The following TLN2 variants were observed in gnomAD, a reference collection of about 807,000 sequenced individuals.
TLN2 encodes the protein talin-2.
Under a neutral mutation model 294.7 loss-of-function variants are expected in TLN2, and 118 were observed. The observed-to-expected ratio is 0.40, with a 90% CI of 0.34 to 0.47. TLN2 has a LOEUF of 0.47. TLN2 is among the 20% of genes least tolerant of loss of function. The pLI is 0.84. For synonymous variants in TLN2, 1,431 were observed against 1,304.5 expected (o/e 1.10, Z -2.09); for missense variants, 3,083 against 3,282.2 (o/e 0.94, Z 1.48).
intron 27 of TLN2, among the ~76,000 whole-genome samples, chr15:62,725,653 T>G (rs1312955253): frequency 6.6e-6 from 1 of 152,178 alleles, no homozygotes; most frequent in East Asian, 1.9e-4. Context: ...CCACCATGTA[T>G]TAAGCACCTG....
At chr15:62,771,263 G>T in intron 42 of TLN2, 129 bp downstream of exon 42, 2 of 1,065,058 alleles carry the variant, frequency 1.9e-6, no homozygotes, top group East Asian at 5.3e-5. Flanking sequence ...CCCACTCTGA[G>T]ATCAGAAATA....
chr15:62,819,437 C>G, intron 52 of TLN2, 79 bp from the exon 53 acceptor site: 1 of 1,204,474 alleles, frequency 8.3e-7, no homozygotes, highest in Non-Finnish European at 1.2e-6. Flanking sequence ...GACTCCACAT[C>G]CAGCAAGAGG....
intron 52 of TLN2, among the ~76,000 whole-genome samples, chr15:62,812,434 T>C (rs2066762924): frequency 1.3e-5 from 2 of 152,164 alleles, no homozygotes. Flanking sequence ...CTGTGTGGGG[T>C]CTGCCTGCAG....
chr15:62,761,607 A>G, intron 37 of TLN2, 74 bp from the exon 38 acceptor site: 1 of 1,589,336 alleles, frequency 6.3e-7, no homozygotes. Flanking sequence ...TCTTTCACTA[A>G]GAGGTGATTA....
At chr15:62,616,013 T>A (rs572023707) in intron 2 of TLN2, among the ~76,000 whole-genome samples, 226 of 152,346 alleles carry the variant, frequency 1.5e-3, no homozygotes, top group Middle Eastern at 6.8e-3. Flanking sequence ...TACTGTCCTC[T>A]AACAGTTTTG....
rs571337288 is a variant in TLN2, at chr15:62,736,957, C to A, written c.3438C>A (p.Asp1146Glu). The A allele has an allele frequency of 3.7e-6, 6 of 1,614,222 alleles. No homozygotes were observed. The South Asian group carries it at 4.4e-5, about 12-fold the overall frequency. Reference protein sequence around the residue: ...AARGVAASTTDPAAAHAMLDS... With the variant: ...AARGVAASTTEPAAAHAMLDS... Reference sequence around the variant, plus strand: ...GTGGAGTGGCTGCATCGACAACCGACCCCGCGGCCGCCCATGCCATGTTAG... The same window carrying A: ...GTGGAGTGGCTGCATCGACAACCGAACCCGCGGCCGCCCATGCCATGTTAG... The change falls in exon 29 of 59, where the codon GAC becomes GAA. Residue 1146 changes from aspartate to glutamate, a missense_variant. Physicochemically the swap from Asp to Glu is conservative, Grantham distance 45. Transcript: ENST00000636159.
At chr15:62,589,119 T>A (rs1057421117) in intron 1 of TLN2, among the ~76,000 whole-genome samples, 4 of 152,094 alleles carry the variant, frequency 2.6e-5, no homozygotes, top group African/African-American at 9.7e-5. Flanking sequence ...CCTGTTCCTT[T>A]ACTGTGGCTA....
chr15:62,783,426 C>T (rs551555305), intron 44 of TLN2, among the ~76,000 whole-genome samples: 6 of 152,308 alleles, frequency 3.9e-5, no homozygotes, highest in South Asian at 2.1e-4. Flanking sequence ...GCTGCGCTGG[C>T]GAGGGGCTGG....
At chr15:62,608,935 G>C (rs1473837655) in intron 2 of TLN2, among the ~76,000 whole-genome samples, 1 of 152,022 alleles carries the variant, frequency 6.6e-6, no homozygotes, top group Non-Finnish European at 1.5e-5. Flanking sequence ...TCAGAGGAGG[G>C]ATAAGATGGG....
intron 5 of TLN2, among the ~76,000 whole-genome samples, chr15:62,650,826 T>C (rs1028745361): frequency 6.6e-6 from 1 of 152,078 alleles, no homozygotes; most frequent in Non-Finnish European, 1.5e-5. Flanking sequence ...AAGAAATGAA[T>C]AGTTTAGTTT....
intron 32 of TLN2, among the ~76,000 whole-genome samples, chr15:62,741,748 C>CGCGCGCGCGCGCGTGTGTGTGTGTGT: frequency 4.6e-5 from 6 of 131,072 alleles, no homozygotes; most frequent in Non-Finnish European, 8.0e-5. Context: ...AAAATTTGCG[C>CGCGCGCGCGCGCGTGTGTGTGTGTGT]GTGTGTGTGT....
chr15:62,585,159 C>G, intron 1 of TLN2, among the ~76,000 whole-genome samples: 1 of 152,176 alleles, frequency 6.6e-6, no homozygotes, highest in Admixed American at 6.5e-5. Flanking sequence ...CACTCCAGAT[C>G]CCCTTCAACT....
intron 19 of TLN2, among the ~76,000 whole-genome samples, chr15:62,703,602 G>GAC (rs748715423): frequency 7.9e-4 from 101 of 127,726 alleles, no homozygotes; most frequent in African/African-American, 2.8e-3. Context: ...TGTTTACTTC[G>GAC]ACACACACAC....
rs79404531 is a variant in TLN2 at position 62,525,764 on chromosome 15, G to A, written c.-237-63923G>A. Among the ~76,000 whole-genome samples, 5 of 152,290 alleles carry A rather than the reference G, an allele frequency of 3.3e-5. No individual in the cohort carries two copies. In the East Asian group the frequency reaches 7.7e-4, roughly 24 times the overall value. ...TAAGGTCCCTTTAGGTAGTGAAAGGGCAGCTGGATGCTGCCCTCACCTGTT... is the reference window on the plus strand; with the variant it reads ...TAAGGTCCCTTTAGGTAGTGAAAGGACAGCTGGATGCTGCCCTCACCTGTT... On this transcript the variant is annotated intron_variant, in intron 1 of 58. Coordinates refer to ENST00000636159, the MANE Select transcript of TLN2 (RefSeq NM_015059.3).
At chr15:62,426,271 G>A (rs1338283498) in intron 1 of TLN2, among the ~76,000 whole-genome samples, 4 of 152,166 alleles carry the variant, frequency 2.6e-5, no homozygotes, top group African/African-American at 9.7e-5. Flanking sequence ...GCCTGTAAAG[G>A]TTTATCTTTT....
intron 28 of TLN2, among the ~76,000 whole-genome samples, chr15:62,733,481 C>T (rs893551286): frequency 1.3e-5 from 2 of 152,180 alleles, no homozygotes; most frequent in African/African-American, 4.8e-5. Flanking sequence ...AAGTGTGTTT[C>T]TGTTTGGCCA....
rs1320364937 is a variant in TLN2 at position 62,761,745 on chromosome 15, T to C, written c.4703T>C (p.Ile1568Thr). 1.2e-6 allele frequency: 2 copies of C among 1,614,082 alleles called. No individual in the cohort carries two copies. The highest frequency in any genetic ancestry group is 2.7e-5 in the African/African-American group (2 of 74,932). The change falls in exon 38 of 59, where the codon ATT becomes ACT. Residue 1568 changes from isoleucine (I) to threonine (T), a missense_variant. By Grantham distance (89) the Ile-to-Thr change is moderately conservative. Transcript: ENST00000636159. Reference sequence around the variant, plus strand: ...TGTCGCATCGCCACCGCACCCTTGATTGAAGCTGTGGAGAACCTGACAGCG... The same window carrying C: ...TGTCGCATCGCCACCGCACCCTTGACTGAAGCTGTGGAGAACCTGACAGCG... ...NKCRIATAPL[I>T]EAVENLTAFA...
chr15:62,619,556 G>C (rs1386844414), intron 3 of TLN2, among the ~76,000 whole-genome samples: 2 of 152,364 alleles, frequency 1.3e-5, no homozygotes, highest in East Asian at 3.9e-4. Context: ...TAAAACCTCA[G>C]AATGTGACCT....
Position 62,647,414 on chromosome 15 carries a change from G to A in TLN2, c.104G>A (p.Arg35Gln), listed in dbSNP as rs371919183. Reference sequence around the variant, plus strand: ...GTGTACGATGCGTGTCGAGTCATTCGGGAACGGGTGCCTGAGGCACAAACT... The same window carrying A: ...GTGTACGATGCGTGTCGAGTCATTCAGGAACGGGTGCCTGAGGCACAAACT... Reference protein sequence around the residue: ...TAVYDACRVIRERVPEAQTGQ... With the variant: ...TAVYDACRVIQERVPEAQTGQ... Residue 35 changes from arginine (R) to glutamine (Q), a missense_variant, in exon 4 of 59, where the codon CGG becomes CAG. By Grantham distance (43) the Arg-to-Gln change is conservative. Transcript: ENST00000636159. The A allele has an allele frequency of 3.1e-6, 5 of 1,614,210 alleles. No homozygotes were observed. Among genetic ancestry groups the A allele is most frequent in the East Asian group, 2.2e-5 (1 of 44,888 alleles).
Sources: allele counts gnomAD v4.1 joint callset (sites outside exome capture counted in the v4.1 genomes callset), GRCh38; gene constraint gnomAD v4.1.1; transcripts MANE v1.5; gene names NCBI Gene and HGNC (gene_info 2026-07-23, HGNC 2026-07-21).